UBR3: variants seen among roughly 807,000 people sequenced by gnomAD.
UBR3 encodes ubiquitin protein ligase E3 component n-recognin 3.
A neutral mutation model predicts 243.2 loss-of-function variants in UBR3; 85 were observed. That is an observed-to-expected ratio of 0.35 (90% CI 0.29 to 0.42). UBR3 has a LOEUF of 0.42. Ranked by LOEUF, UBR3 falls within the 10% of genes least tolerant of loss-of-function variation. The pLI, the probability that UBR3 is intolerant of heterozygous loss-of-function variation, is 1.00. For missense variants in UBR3, 1,686 were observed against 2,300.8 expected (o/e 0.73, Z 5.47); for synonymous variants, 748 against 799.8 (o/e 0.94, Z 1.09).
chr2:169,947,641 G>A lies in UBR3; in HGVS notation c.3010G>A (p.Val1004Ile). 1.3e-6 allele frequency: 2 copies of A among 1,541,774 alleles called. 1 individual carries two copies. Among genetic ancestry groups the A allele is most frequent in the South Asian group, 2.4e-5 (2 of 82,150 alleles). The stretch of plus-strand genomic sequence containing the variant: ...CTTTATAAACTATGTTAGAGTAAGA[G>A]TTCCAGAGACTGCTCCTGAAGTAAA... ...RHFINYVRVRVPETAPEVKRD... is the reference protein window; with the variant it reads ...RHFINYVRVRIPETAPEVKRD... Residue 1004 changes from valine to isoleucine, a missense_variant, in exon 22 of 39, where the codon GTT becomes ATT. Val to Ile is a conservative substitution (Grantham distance 29). Coordinates refer to ENST00000272793, the MANE Select transcript of UBR3 (RefSeq NM_172070.4).
chr2:169,838,445 G>C (rs944525256), intron 1 of UBR3, among the ~76,000 whole-genome samples: 8 of 114,920 alleles, frequency 7.0e-5, no homozygotes, highest in African/African-American at 9.8e-5. Context: ...GTGTGTGTGT[G>C]TGTCTGGTGA....
At chr2:170,067,444 G>A (rs1183531132) in intron 35 of UBR3, among the ~76,000 whole-genome samples, 2 of 152,154 alleles carry the variant, frequency 1.3e-5, no homozygotes, top group Non-Finnish European at 2.9e-5. Flanking sequence ...TGCCTTCTTA[G>A]TAATCAATAA....
Position 170,055,565 on chromosome 2 carries a change from A to G in UBR3, c.4766A>G (p.His1589Arg). 6.2e-7 allele frequency: 1 copy of G among 1,613,474 alleles called. No homozygotes were observed. Among genetic ancestry groups the G allele is most frequent in the Non-Finnish European group, 8.5e-7 (1 of 1,179,508 alleles). ...GAAGAAGATAGGTCAGCCTGGAAAC[A>G]CGCGGGAGCTCTCAAAAAGGTTAGG... The part of the protein sequence containing the change: ...CSEEDRSAWK[H>R]AGALKKSTCD... The change falls in exon 33 of 39, where the codon CAC becomes CGC. Residue 1589 changes from histidine (H) to arginine (R), a missense_variant. His to Arg is a conservative substitution (Grantham distance 29). This residue lies in a region of UBR3 where 371 missense variants were observed against 422.5 expected (regional missense o/e 0.88). Coordinates refer to ENST00000272793, the MANE Select transcript of UBR3 (RefSeq NM_172070.4).
chr2:169,837,215 G>T (rs765225624), intron 1 of UBR3, among the ~76,000 whole-genome samples: 1 of 152,220 alleles, frequency 6.6e-6, no homozygotes, highest in South Asian at 2.1e-4. Flanking sequence ...GGAGGCTCAC[G>T]CCTGTAATCC....
chr2:170,081,413 T>C (rs2091903780), intron 38 of UBR3, among the ~76,000 whole-genome samples: 1 of 151,860 alleles, frequency 6.6e-6, no homozygotes, highest in Admixed American at 6.6e-5. Flanking sequence ...GGCAGGAGAA[T>C]GGCATGAACT....
chr2:169,894,322 G>GAAAAAAA (rs59525862), intron 6 of UBR3, among the ~76,000 whole-genome samples: 1 of 78,244 alleles, frequency 1.3e-5, no homozygotes, highest in African/African-American at 5.7e-5. Flanking sequence ...TGACTCTTAA[G>GAAAAAAA]AAAAAAAAAA....
intron 14 of UBR3, 54 bp from the exon 15 acceptor site, chr2:169,926,636 AAT>A: frequency 6.9e-7 from 1 of 1,454,618 alleles, no homozygotes; most frequent in Non-Finnish European, 9.2e-7. Flanking sequence ...AAACATGATT[AAT>A]AGAAGAAGGA....
intron 24 of UBR3, among the ~76,000 whole-genome samples, chr2:169,986,253 C>A (rs1388942088): frequency 6.6e-6 from 1 of 152,094 alleles, no homozygotes; most frequent in African/African-American, 2.4e-5. Context: ...CAAGAGCTGT[C>A]ATGTTGTTGT....
intron 2 of UBR3, among the ~76,000 whole-genome samples, chr2:169,874,437 G>A (rs889626927): frequency 3.9e-5 from 6 of 152,116 alleles, no homozygotes; most frequent in African/African-American, 9.7e-5. Flanking sequence ...TGAAAGTGCT[G>A]GGACTACAGG....
chr2:169,828,128 G>T, intron 1 of UBR3, 76 bp downstream of exon 1: 1 of 1,323,854 alleles, frequency 7.6e-7, no homozygotes, highest in Non-Finnish European at 9.7e-7. Flanking sequence ...CGGAGCACTG[G>T]GAGCCCACTC....
chr2:169,960,630 TAGTC>T (rs1417860362), intron 24 of UBR3, among the ~76,000 whole-genome samples: 1 of 152,154 alleles, frequency 6.6e-6, no homozygotes, highest in Admixed American at 6.5e-5. Context: ...TCTATTGTAG[TAGTC>T]AGTATCTTGA....
intron 27 of UBR3, among the ~76,000 whole-genome samples, chr2:170,006,556 A>G (rs2089919547): frequency 6.6e-6 from 1 of 152,182 alleles, no homozygotes; most frequent in Non-Finnish European, 1.5e-5. Flanking sequence ...TTACTCTTAA[A>G]AGCTATTTAT....
intron 35 of UBR3, among the ~76,000 whole-genome samples, chr2:170,065,837 T>C (rs1259939616): frequency 2.0e-5 from 3 of 152,108 alleles, no homozygotes; most frequent in African/African-American, 7.2e-5. Flanking sequence ...AATCTGAAAA[T>C]ACTATATGTC....
chr2:169,853,376 A>C (rs986918471), intron 1 of UBR3, among the ~76,000 whole-genome samples: 2 of 152,144 alleles, frequency 1.3e-5, no homozygotes, highest in African/African-American at 4.8e-5. Flanking sequence ...TCTTTCTTAT[A>C]ATGCAAATAC....
chr2:169,896,289 G>C (rs2084586471), intron 7 of UBR3, among the ~76,000 whole-genome samples: 1 of 151,124 alleles, frequency 6.6e-6, no homozygotes, highest in East Asian at 1.9e-4. Context: ...TCCGTTTTGG[G>C]GGAAAAAAAT....
rs750340150 is a variant in UBR3, at chr2:169,926,901, G to A, written c.2268G>A (p.Glu756=). Residue 756 remains glutamate (E), a synonymous_variant, in exon 16 of 39, where the codon GAG becomes GAA. Transcript: ENST00000272793. ...SQHQNTVLDA[E]HERSMLEGAL... ...ATCAAAATACAGTACTTGATGCAGA[G>A]CATGAGAGGTCGATGTTAGAAGGCG... 3.4e-5 allele frequency: 52 copies of A among 1,551,210 alleles called. No individual in the cohort carries two copies. The South Asian group carries it at 3.7e-4, about 11-fold the overall frequency.
At chr2:169,940,270 G>A (rs2086529168) in intron 19 of UBR3, among the ~76,000 whole-genome samples, 1 of 152,048 alleles carries the variant, frequency 6.6e-6, no homozygotes, top group Admixed American at 6.5e-5. Flanking sequence ...TTAAGGCTAT[G>A]TATTTCCTTC....
At chr2:169,925,782 A>G (rs1427540277) in intron 14 of UBR3, 35 bp downstream of exon 14, 2 of 1,508,930 alleles carry the variant, frequency 1.3e-6, no homozygotes, top group Non-Finnish European at 1.8e-6. Flanking sequence ...ATACTTTAGA[A>G]GTGTCTCATT....
At chr2:169,929,419 C>CA (rs1199700061) in intron 18 of UBR3, among the ~76,000 whole-genome samples, 1 of 151,818 alleles carries the variant, frequency 6.6e-6, no homozygotes, top group Non-Finnish European at 1.5e-5. Flanking sequence ...ATTAAAAATG[C>CA]AAAAAAATTA....
Sources: gnomAD v4.1 joint callset for allele counts (sites outside exome capture counted in the v4.1 genomes callset) on GRCh38, gnomAD v4.1.1 for gene constraint, gnomAD v4.1.1 regional missense constraint, MANE v1.5 for transcripts, NCBI Gene and HGNC (gene_info 2026-07-23, HGNC 2026-07-21) for gene names.